The following APPBP2 variants were observed in gnomAD, a reference collection of about 807,000 sequenced individuals.
APPBP2 encodes amyloid protein-binding protein 2.
In APPBP2, 15 loss-of-function variants were observed where a neutral mutation model predicts 76.0. The observed-to-expected ratio is 0.20, with a 90% CI of 0.13 to 0.30. The LOEUF (loss-of-function observed/expected upper bound fraction) is 0.30, where lower values mean the gene tolerates loss of function less well. Among genes scored for constraint, APPBP2 ranks in the 10% least tolerant of loss-of-function variants. The probability of loss-of-function intolerance (pLI) is 1.00; values close to 1 mark genes in which losing one functional copy is unlikely to be tolerated. For missense variants in APPBP2, 401 were observed against 687.2 expected (o/e 0.58, Z 4.66); for synonymous variants, 222 against 242.2 (o/e 0.92, Z 0.77).
chr17:60,464,771 G>C (rs2090498954), intron 5 of APPBP2: 1 of 152,290 alleles, frequency 6.6e-6, no homozygotes, highest in African/African-American at 2.4e-5. Context: ...TCTTAGGCTG[G>C]GTGTAGTGGT....
chr17:60,469,415 T>C (rs1271559419), intron 4 of APPBP2, among the ~76,000 whole-genome samples: 1 of 129,744 alleles, frequency 7.7e-6, no homozygotes, highest in Admixed American at 7.1e-5. Flanking sequence ...GGTTTAATAA[T>C]TTTTTTTTAC....
chr17:60,502,078 T>C (rs1039615016), intron 1 of APPBP2, among the ~76,000 whole-genome samples: 2 of 152,214 alleles, frequency 1.3e-5, no homozygotes, highest in African/African-American at 4.8e-5. Flanking sequence ...TATTTTTTAA[T>C]GGTCTTACTC....
At chr17:60,489,092 G>A (rs1598361608) in intron 3 of APPBP2, among the ~76,000 whole-genome samples, 1 of 152,016 alleles carries the variant, frequency 6.6e-6, no homozygotes, top group Non-Finnish European at 1.5e-5. Flanking sequence ...TATGGTGGCA[G>A]GTGCCTATAA....
chr17:60,520,805 TC>T (rs1245684570), intron 1 of APPBP2, among the ~76,000 whole-genome samples: 1 of 152,126 alleles, frequency 6.6e-6, no homozygotes, highest in Non-Finnish European at 1.5e-5. Context: ...CAAGAGATCC[TC>T]CCGGCTCAGC....
chr17:60,522,611 C>T (rs564316233), intron 1 of APPBP2, among the ~76,000 whole-genome samples: 51 of 152,246 alleles, frequency 3.3e-4, no homozygotes, highest in African/African-American at 1.2e-3. Context: ...GTGAGCCCTG[C>T]GCCTTTACAT....
In APPBP2 at chr17:60,479,234, A is replaced by C; in HGVS notation, c.417T>G (p.Ala139=). Residue 139 remains alanine (A), a synonymous_variant, in exon 4 of 13, where the codon GCT becomes GCG. Transcript: ENST00000083182. The stretch of plus-strand genomic sequence containing the variant: ...GAAGGCAGGACAGAAAAACTTTCTC[A>C]GCATCACTGTACCAGCCTGCATCTG... ...FLSDAGWYSD[A]EKVFLSCLQL... is the part of the protein sequence containing the mutation. 1 of 1,613,790 alleles carries C rather than the reference A, an allele frequency of 6.2e-7. No homozygotes were observed. The highest frequency in any genetic ancestry group is 1.6e-4 in the Middle Eastern group (1 of 6,062).
At chr17:60,490,080 C>T (rs113731566) in intron 3 of APPBP2, among the ~76,000 whole-genome samples, 3 of 152,084 alleles carry the variant, frequency 2.0e-5, no homozygotes, top group African/African-American at 4.8e-5. Context: ...AACCCCCAAA[C>T]AAAAATAGTT....
chr17:60,505,210 C>T (rs548814590), intron 1 of APPBP2, among the ~76,000 whole-genome samples: 10 of 152,342 alleles, frequency 6.6e-5, no homozygotes, highest in Admixed American at 5.2e-4. Flanking sequence ...CTCAAAATTA[C>T]GGTCCACACA....
chr17:60,454,486 A>G lies in APPBP2; in HGVS notation c.1154T>C (p.Ile385Thr), dbSNP rs2090418491. The G allele has an allele frequency of 1.3e-6, 2 of 1,591,082 alleles. No individual in the cohort carries two copies. Among genetic ancestry groups the G allele is most frequent in the Non-Finnish European group, 1.7e-6 (2 of 1,171,322 alleles). ...ACAATCAATTGCAATCTCCTCTAAA[A>G]TAAGTGCTAAAAAAGAAGGCAATAA... ...LASSKRVKAL[I>T]LEEIAIDCHN... Residue 385 changes from isoleucine (I) to threonine (T), a missense_variant, in exon 11 of 13, where the codon ATT (isoleucine) becomes ACT (threonine). Around this residue, in one of 5 missense-constraint regions of APPBP2, gnomAD observed 130 missense variants for 322.7 expected, o/e 0.40. Coordinates refer to ENST00000083182, the MANE Select transcript of APPBP2 (RefSeq NM_006380.5).
At position 60,449,986 on chromosome 17, in the gene APPBP2, G is replaced by A. The variant is rs559619197; in HGVS notation, c.1504+1894C>T. On this transcript the variant is annotated intron_variant, in intron 12 of 12. Coordinates refer to ENST00000083182, the MANE Select transcript of APPBP2 (RefSeq NM_006380.5). ...TAATTTTTGTCTTTTTAGTTGAGAC[G>A]GGGTTTCAGCATGTTGGCCAGGCTG... Among the ~76,000 whole-genome samples the A allele has an allele frequency of 4.6e-5, 7 of 151,934 alleles. No individual in the cohort carries two copies. In the East Asian group the frequency reaches 9.9e-4, roughly 21 times the overall value.
chr17:60,461,644 C>T (rs1277435806), intron 8 of APPBP2, 166 bp downstream of exon 8: 2 of 516,046 alleles, frequency 3.9e-6, no homozygotes, highest in Non-Finnish European at 6.9e-6. Flanking sequence ...AAAGCATTAA[C>T]TTTTACACCT....
chr17:60,477,853 TA>T (rs1159132346), intron 4 of APPBP2, among the ~76,000 whole-genome samples: 1 of 138,126 alleles, frequency 7.2e-6, no homozygotes, highest in Admixed American at 7.2e-5. Flanking sequence ...AAAGCAACAA[TA>T]ATCTGGCTGG....
At chr17:60,466,023 T>C (rs116058818) in intron 5 of APPBP2, among the ~76,000 whole-genome samples, 2,384 of 152,064 alleles carry the variant, frequency 0.016, 63 homozygotes, top group African/African-American at 0.053. Flanking sequence ...AGAGGCAGGG[T>C]CTCTCTCACT....
chr17:60,460,745 T>C lies in APPBP2; in HGVS notation c.979A>G (p.Ile327Val), dbSNP rs1388313644. Residue 327 changes from isoleucine to valine, a missense_variant, in exon 9 of 13, where the codon ATC becomes GTC. Transcript: ENST00000083182. ...TCTTCATGAGCTGTTGCTACGTGGA[T>C]ATTTTTGCCACCAAACACTGACTGT... Reference protein sequence around the residue: ...IRQSVFGGKNIHVATAHEDLA... With the variant: ...IRQSVFGGKNVHVATAHEDLA... 1 of 1,613,886 alleles carries C rather than the reference T, an allele frequency of 6.2e-7. No individual in the cohort carries two copies. Among genetic ancestry groups the C allele is most frequent in the Non-Finnish European group, 8.5e-7 (1 of 1,179,838 alleles).
intron 3 of APPBP2, among the ~76,000 whole-genome samples, chr17:60,484,857 T>C (rs537616359): frequency 1.3e-5 from 2 of 151,604 alleles, no homozygotes; most frequent in East Asian, 3.9e-4. Flanking sequence ...TGATACTGGC[T>C]GTGGGTCTGT....
chr17:60,467,792 A>G (rs1160439335), intron 4 of APPBP2, among the ~76,000 whole-genome samples: 1 of 151,822 alleles, frequency 6.6e-6, no homozygotes, highest in East Asian at 1.9e-4. Flanking sequence ...CTGGTGGGGA[A>G]GCATGTTCCA....
intron 2 of APPBP2, among the ~76,000 whole-genome samples, chr17:60,497,931 G>GATCCT (rs577258462): frequency 7.2e-4 from 109 of 152,156 alleles, no homozygotes; most frequent in African/African-American, 2.5e-3. Context: ...TTGAGCTTAG[G>GATCCT]AGTTTGAGAC....
At position 60,447,597 on chromosome 17, in the gene APPBP2, T is replaced by C. The variant is rs1403740665; in HGVS notation, c.1742A>G (p.Glu581Gly). The stretch of plus-strand genomic sequence containing the variant: ...GGTCCTCCCTCAGCAGCTCGGTCCC[T>C]CGACATTCTGAGAAATCAGGAAGGA... ...VQSFLISQNV[E>G]GPSC is the part of the protein sequence containing the mutation. The change falls in exon 13 of 13, where the codon GAG becomes GGG. Residue 581 changes from glutamate to glycine, a missense_variant. Transcript: ENST00000083182. 1.2e-6 allele frequency: 2 copies of C among 1,613,246 alleles called. No homozygotes were observed. The highest frequency in any genetic ancestry group is 1.3e-5 in the African/African-American group (1 of 74,890).
At chr17:60,504,193 T>C (rs2090847438) in intron 1 of APPBP2, among the ~76,000 whole-genome samples, 1 of 152,180 alleles carries the variant, frequency 6.6e-6, no homozygotes, top group Non-Finnish European at 1.5e-5. Flanking sequence ...AAGGGCTATA[T>C]CAACCACTTT....
Sources: allele counts gnomAD v4.1 joint callset (sites outside exome capture counted in the v4.1 genomes callset), GRCh38; gene constraint gnomAD v4.1.1; regional missense constraint gnomAD v4.1.1; transcripts MANE v1.5; gene names NCBI Gene and HGNC (gene_info 2026-07-23, HGNC 2026-07-21).